Variants in BSX observed in about 807,000 individuals in gnomAD.
BSX encodes the protein brain specific homeobox, also known as brain-specific homeobox protein homolog.
A neutral mutation model predicts 16.9 loss-of-function variants in BSX; 12 were observed. The observed-to-expected ratio is 0.71, with a 90% CI of 0.46 to 1.15. The LOEUF is 1.15. Ranked by LOEUF, BSX falls within the 50% of genes most tolerant of loss-of-function variation. The pLI is 0.00. For missense variants in BSX, 292 were observed against 311.8 expected (o/e 0.94, Z 0.48); for synonymous variants, 160 against 136.4 (o/e 1.17, Z -1.20).
intron 1 of BSX, among the ~76,000 whole-genome samples, chr11:122,980,884 T>A (rs1315229157): frequency 6.6e-6 from 1 of 152,148 alleles, no homozygotes; most frequent in South Asian, 2.1e-4. Context: ...TTCTGTCTTA[T>A]TCAGGCTAGC....
At chr11:122,981,351 G>A (rs1864566033) in intron 1 of BSX, 59 bp downstream of exon 1, 7 of 1,428,280 alleles carry the variant, frequency 4.9e-6, no homozygotes, top group South Asian at 1.5e-5. Flanking sequence ...ACAGGCTTAG[G>A]GTCTGTGCTA....
Position 122,977,619 on chromosome 11 carries a change from C to T in BSX, c.*30G>A, listed in dbSNP as rs1864512000. The T allele has an allele frequency of 6.3e-7, 1 of 1,591,974 alleles. No homozygotes were observed. The highest frequency in any genetic ancestry group is 2.2e-5 in the East Asian group (1 of 44,796). On this transcript the variant is annotated 3_prime_UTR_variant, in exon 3 of 3. Coordinates refer to ENST00000343035, the MANE Select transcript of BSX (RefSeq NM_001098169.2). The surrounding 1 kb of genome is among the most constrained non-coding windows in gnomAD (Gnocchi z 4.5). ...CGCGCTCGGCCCCGCAGTCTCCTCC[C>T]CTGCCTACTACCCTCCCCAGCCTGG...
intron 1 of BSX, among the ~76,000 whole-genome samples, chr11:122,980,192 A>AG (rs1248271262): frequency 6.6e-6 from 1 of 152,028 alleles, no homozygotes; most frequent in Non-Finnish European, 1.5e-5. Flanking sequence ...GAAGGGTTTG[A>AG]GGGGTTTTTC....
At position 122,977,786 on chromosome 11, in the gene BSX, G is replaced by A. The variant is rs751163059; in HGVS notation, c.565C>T (p.Pro189Ser). The change falls in exon 3 of 3, where the codon CCC becomes TCC. Residue 189 changes from proline to serine, a missense_variant. This residue lies in a region of BSX where 107 missense variants were observed against 97.1 expected (regional missense o/e 1.10). Transcript: ENST00000343035. This position sits in a 1 kb window ranked among gnomAD's most constrained non-coding sequence, Gnocchi z 4.5. ...GCGGTGGCGGCCTCTGAACCGCGGG[G>A]GCTGCCCTCGGGGCTTTCTGGCCCG... ...PDGPESPEGS[P>S]RGSEAATAAE... 4 of 1,613,740 alleles carry A rather than the reference G, an allele frequency of 2.5e-6. No individual in the cohort carries two copies. In the South Asian group the frequency reaches 3.3e-5, roughly 13 times the overall value.
chr11:122,978,795 C>CTTTT (rs35567142), intron 2 of BSX, among the ~76,000 whole-genome samples: 671 of 64,632 alleles, frequency 0.01, no homozygotes, highest in Non-Finnish European at 0.014. Context: ...TTTTTCTTTT[C>CTTTT]TTTTTTTTTT....
At chr11:122,978,348 G>A (rs1376367293) in intron 2 of BSX, among the ~76,000 whole-genome samples, 1 of 152,200 alleles carries the variant, frequency 6.6e-6, no homozygotes, top group Non-Finnish European at 1.5e-5. Context: ...TAGAGACTAT[G>A]AAAGATGGGG....
chr11:122,979,313 G>A lies in BSX; in HGVS notation c.407C>T (p.Ser136Phe). 3 of 1,614,164 alleles carry A rather than the reference G, an allele frequency of 1.9e-6. No individual in the cohort carries two copies. The highest frequency in any genetic ancestry group is 2.5e-6 in the Non-Finnish European group (3 of 1,180,018). The change falls in exon 2 of 3, where the codon TCC (serine) becomes TTC (phenylalanine). Residue 136 changes from serine to phenylalanine, a missense_variant. Coordinates refer to ENST00000343035, the MANE Select transcript of BSX (RefSeq NM_001098169.2). The stretch of plus-strand genomic sequence containing the variant: ...GGCCAGCTCCACTCGTTCTGGCGTG[G>A]ACAGGTAGCGCTGGATCTCGAACCT... The part of the protein sequence containing the change: ...EKRFEIQRYL[S>F]TPERVELATA...
intron 1 of BSX, among the ~76,000 whole-genome samples, chr11:122,980,325 A>T (rs1375813009): frequency 6.6e-6 from 1 of 152,184 alleles, no homozygotes; most frequent in Non-Finnish European, 1.5e-5. Flanking sequence ...AAATAAACAA[A>T]CATAACAACA....
Position 122,981,768 on chromosome 11 carries a change from G to C in BSX, c.-97C>G, listed in dbSNP as rs1246599256. The C allele has an allele frequency of 7.8e-7, 1 of 1,283,110 alleles. No homozygotes were observed. Among genetic ancestry groups the C allele is most frequent in the African/African-American group, 1.5e-5 (1 of 67,246 alleles). 79.5% of individuals were successfully genotyped at this position (1,283,110 alleles called of 1,614,324 possible). A position where few individuals can be genotyped will look rare whatever the true frequency, so the allele number is the denominator to read the frequency against. On this transcript the variant is annotated 5_prime_UTR_variant, in exon 1 of 3. Transcript: ENST00000343035. ...GCTCGAAAGCCGGCAACCACCCTCC[G>C]AGGCTCGAATCTCCGCTGCTCTCTC... is the stretch of plus-strand genomic sequence containing the variant.
intron 1 of BSX, 23 bp from the exon 2 acceptor site, chr11:122,979,480 G>GT (rs1565348070): frequency 6.3e-7 from 1 of 1,594,812 alleles, no homozygotes. Flanking sequence ...GAGCAACCAA[G>GT]TGGGCAGAGC....
intron 2 of BSX, among the ~76,000 whole-genome samples, chr11:122,978,807 T>C (rs1181423567): frequency 9.7e-4 from 125 of 128,588 alleles, no homozygotes; most frequent in African/African-American, 3.2e-3. Context: ...TTTTTTTTTT[T>C]TTTTTTTTTT....
At chr11:122,981,137 C>A (rs2135401923) in intron 1 of BSX, among the ~76,000 whole-genome samples, 1 of 152,264 alleles carries the variant, frequency 6.6e-6, no homozygotes, top group South Asian at 2.1e-4. Context: ...CCAAGAGTAT[C>A]GTCAAACCCT....
At chr11:122,978,354 T>C (rs1045965841) in intron 2 of BSX, among the ~76,000 whole-genome samples, 10 of 152,064 alleles carry the variant, frequency 6.6e-5, no homozygotes, top group Admixed American at 6.5e-4. Context: ...CTATGAAAGA[T>C]GGGGAAGAGA....
In BSX at chr11:122,977,805, T is replaced by C; in HGVS notation, c.546A>G (p.Pro182=). ...CGCGGGGGCTGCCCTCGGGGCTTTC[T>C]GGCCCGTCTGGTGCTTTGGGTTCGT... is the stretch of plus-strand genomic sequence containing the variant. ...SQDEPKAPDG[P]ESPEGSPRGS... is the part of the protein sequence containing the mutation. Residue 182 remains proline, a synonymous_variant, in exon 3 of 3, where the codon CCA becomes CCG. Transcript: ENST00000343035. The surrounding 1 kb of genome is among the most constrained non-coding windows in gnomAD (Gnocchi z 4.5). The C allele has an allele frequency of 6.2e-7, 1 of 1,614,022 alleles. No homozygotes were observed. The highest frequency in any genetic ancestry group is 8.5e-7 in the Non-Finnish European group (1 of 1,179,918).
chr11:122,981,760 C>T lies in BSX; in HGVS notation c.-89G>A, dbSNP rs1864576617. 1.5e-6 allele frequency: 2 copies of T among 1,349,678 alleles called. No homozygotes were observed. Among genetic ancestry groups the T allele is most frequent in the Non-Finnish European group, 2.0e-6 (2 of 1,007,602 alleles). The allele number at this position is 1,349,678 out of a possible 1,614,324, so 83.6% of individuals were successfully genotyped here. A position where few individuals can be genotyped will look rare whatever the true frequency, so the allele number is the denominator to read the frequency against. On this transcript the variant is annotated 5_prime_UTR_variant, in exon 1 of 3. Coordinates refer to ENST00000343035, the MANE Select transcript of BSX (RefSeq NM_001098169.2). ...CCAAGCCTGCTCGAAAGCCGGCAAC[C>T]ACCCTCCGAGGCTCGAATCTCCGCT...
intron 2 of BSX, among the ~76,000 whole-genome samples, chr11:122,978,868 C>T (rs1591411096): frequency 7.5e-6 from 1 of 133,196 alleles, no homozygotes; most frequent in Non-Finnish European, 1.5e-5. Flanking sequence ...TGCAGCGGCG[C>T]GATCTCGGCT....
chr11:122,981,709 C>A lies in BSX; in HGVS notation c.-38G>T. 1 of 1,546,420 alleles carries A rather than the reference C, an allele frequency of 6.5e-7. No homozygotes were observed. The highest frequency in any genetic ancestry group is 1.4e-5 in the African/African-American group (1 of 73,770). On this transcript the variant is annotated 5_prime_UTR_variant, in exon 1 of 3. Transcript: ENST00000343035. ...ACCTGCCACAGGACAAGGGCCGGGA[C>A]GAAGTGGAGGACGCAGGCAGAGTCT...
Position 122,981,686 on chromosome 11 carries a change from C to T in BSX, c.-15G>A. The T allele has an allele frequency of 1.3e-6, 2 of 1,574,490 alleles. No individual in the cohort carries two copies. The highest frequency in any genetic ancestry group is 1.8e-5 in the Admixed American group (1 of 55,944). ...TTGAGATTCATCTTGAGCGGAGCAC[C>T]TGCCACAGGACAAGGGCCGGGACGA... On this transcript the variant is annotated 5_prime_UTR_variant, in exon 1 of 3. Coordinates refer to ENST00000343035, the MANE Select transcript of BSX (RefSeq NM_001098169.2).
chr11:122,979,504 G>C (rs760745555), intron 1 of BSX, 47 bp from the exon 2 acceptor site: 5 of 1,538,318 alleles, frequency 3.3e-6, no homozygotes, highest in Non-Finnish European at 4.4e-6. Flanking sequence ...GGTCGCCGGA[G>C]AGCAATCTCC....
Sources: allele counts gnomAD v4.1 joint callset (sites outside exome capture counted in the v4.1 genomes callset), GRCh38; gene constraint gnomAD v4.1.1; regional missense constraint gnomAD v4.1.1; non-coding constraint Gnocchi (gnomAD v3.1); transcripts MANE v1.5; gene names NCBI Gene and HGNC (gene_info 2026-07-23, HGNC 2026-07-21).